NTRK3: variants seen among roughly 807,000 people sequenced by gnomAD.
NTRK3 encodes the protein NT-3 growth factor receptor.
In NTRK3, 24 loss-of-function variants were observed where a neutral mutation model predicts 91.7. The ratio of observed to expected loss-of-function variants is 0.26; its 90% CI spans 0.19 to 0.37. NTRK3 has a LOEUF of 0.37. NTRK3 is among the 10% of genes least tolerant of loss of function. The pLI is 1.00. For missense variants in NTRK3, 880 were observed against 1,068.9 expected, an observed-to-expected ratio of 0.82 and a Z score of 2.46; for synonymous variants, 483 against 404.0, an observed-to-expected ratio of 1.20 and a Z score of -2.34.
chr15:88,053,966 A>G (rs892866594), intron 13 of NTRK3, among the ~76,000 whole-genome samples: 1 of 152,220 alleles, frequency 6.6e-6, no homozygotes, highest in East Asian at 1.9e-4. Flanking sequence ...GCTGATAGAA[A>G]GGTTTGCTCT....
intron 14 of NTRK3, among the ~76,000 whole-genome samples, chr15:87,947,718 G>A (rs1182774363): frequency 6.6e-6 from 1 of 152,146 alleles, no homozygotes; most frequent in Non-Finnish European, 1.5e-5. Context: ...AACAGGGAGA[G>A]GAAGGGAGGA....
rs1598128338 is a variant in NTRK3 at position 88,240,122 on chromosome 15, C to T, written c.248+15784G>A. Among the ~76,000 whole-genome samples, 1 of 151,946 alleles carries T rather than the reference C, an allele frequency of 6.6e-6. No homozygotes were observed. Among genetic ancestry groups the T allele is most frequent in the African/African-American group, 2.4e-5 (1 of 41,428 alleles). Reference sequence around the variant, plus strand: ...GTGTGCAGGAGCACAGCCCCCCTCCCCTCCCCCACAGGATTGCCCCCAGAG... The same window carrying T: ...GTGTGCAGGAGCACAGCCCCCCTCCTCTCCCCCACAGGATTGCCCCCAGAG... On this transcript the variant is annotated intron_variant, in intron 3 of 18. Coordinates refer to ENST00000394480, the Ensembl canonical transcript of NTRK3. The surrounding 1 kb of genome is among the most constrained non-coding windows in gnomAD (Gnocchi z 4.9).
At chr15:87,874,389 C>T (rs2064897023) in exon 19 of NTRK3, 1 of 229,898 alleles carries the variant, frequency 4.3e-6, no homozygotes, top group Admixed American at 5.7e-5. Flanking sequence ...TGGCAGCAAT[C>T]TGACAACTGC....
At chr15:87,986,279 C>G (rs1050157537) in intron 14 of NTRK3, among the ~76,000 whole-genome samples, 1 of 152,166 alleles carries the variant, frequency 6.6e-6, no homozygotes, top group Non-Finnish European at 1.5e-5. Flanking sequence ...TTTGAAATAT[C>G]TAAAATATCA....
chr15:88,032,722 A>G (rs1027061438), intron 14 of NTRK3, 135 bp downstream of exon 14: 5 of 988,352 alleles, frequency 5.1e-6, no homozygotes, highest in South Asian at 1.4e-5. Context: ...TGAAACAAAC[A>G]GGGAGGGTCT....
intron 14 of NTRK3, among the ~76,000 whole-genome samples, chr15:88,024,664 T>G (rs1442936807): frequency 6.6e-6 from 1 of 152,128 alleles, no homozygotes; most frequent in Non-Finnish European, 1.5e-5. Flanking sequence ...GTTTAAAATC[T>G]AGAAACTCAT....
intron 14 of NTRK3, among the ~76,000 whole-genome samples, chr15:87,988,923 T>A (rs1030560010): frequency 2.0e-5 from 3 of 152,166 alleles, no homozygotes; most frequent in African/African-American, 7.2e-5. Context: ...CTTTTTTTTA[T>A]TTTTATTTTT....
At chr15:88,172,574 A>T (rs1280328542) in intron 5 of NTRK3, among the ~76,000 whole-genome samples, 2 of 152,256 alleles carry the variant, frequency 1.3e-5, no homozygotes, top group African/African-American at 4.8e-5. Flanking sequence ...CTTAAGGTTC[A>T]GTCCAGGGGA....
At chr15:88,024,839 G>A (rs2077891811) in intron 14 of NTRK3, among the ~76,000 whole-genome samples, 1 of 152,238 alleles carries the variant, frequency 6.6e-6, no homozygotes, top group South Asian at 2.1e-4. Flanking sequence ...CCTTTGAAAT[G>A]CTGTGAAGGC....
chr15:87,895,411 G>A (rs2066061934), intron 17 of NTRK3, among the ~76,000 whole-genome samples: 1 of 152,206 alleles, frequency 6.6e-6, no homozygotes, highest in African/African-American at 2.4e-5. Context: ...GGTCTGGGGA[G>A]TATGCCCTAG....
exon 18 of NTRK3, chr15:87,880,341 T>C (rs1254833073): frequency 6.2e-7 from 1 of 1,613,496 alleles, no homozygotes; most frequent in African/African-American, 1.3e-5. Flanking sequence ...ACCCCGAAGC[T>C]CCATACATCA....
intron 14 of NTRK3, among the ~76,000 whole-genome samples, chr15:87,976,374 A>T (rs955289171): frequency 6.6e-6 from 1 of 152,178 alleles, no homozygotes; most frequent in African/African-American, 2.4e-5. Flanking sequence ...ACCTAGCCTG[A>T]TCAACTTCCT....
intron 13 of NTRK3, among the ~76,000 whole-genome samples, chr15:88,038,595 G>A (rs537873545): frequency 2.6e-5 from 4 of 152,302 alleles, no homozygotes; most frequent in East Asian, 3.9e-4. Flanking sequence ...ACCACTCTGC[G>A]GAGGATGCTG....
chr15:88,002,343 T>C (rs2076171491), intron 14 of NTRK3, among the ~76,000 whole-genome samples: 1 of 152,058 alleles, frequency 6.6e-6, no homozygotes, highest in Non-Finnish European at 1.5e-5. Flanking sequence ...ATGGAAGGCC[T>C]TGTTCAAAAA....
chr15:88,239,839 A>G (rs528542569), intron 3 of NTRK3, among the ~76,000 whole-genome samples: 1 of 152,298 alleles, frequency 6.6e-6, no homozygotes, highest in Admixed American at 6.5e-5. Flanking sequence ...ACAGTGTGAA[A>G]GCCATCAATA....
intron 14 of NTRK3, among the ~76,000 whole-genome samples, chr15:87,952,899 T>C: frequency 6.6e-6 from 1 of 151,674 alleles, no homozygotes; most frequent in Non-Finnish European, 1.5e-5. Context: ...TCACCCTGTA[T>C]CTGATGGGGA....
intron 5 of NTRK3, among the ~76,000 whole-genome samples, chr15:88,160,863 C>T (rs953234139): frequency 2.0e-5 from 3 of 152,142 alleles, no homozygotes; most frequent in Non-Finnish European, 4.4e-5. Context: ...CAATGGTTTT[C>T]GAAGATGGGC....
At chr15:88,064,810 C>T (rs2046511349) in intron 13 of NTRK3, among the ~76,000 whole-genome samples, 1 of 152,176 alleles carries the variant, frequency 6.6e-6, no homozygotes, top group South Asian at 2.1e-4. Context: ...CTTTAGGGCT[C>T]CCTGCCTCCT....
exon 19 of NTRK3, chr15:87,862,800 G>C (rs908357208): frequency 8.7e-6 from 2 of 229,594 alleles, no homozygotes; most frequent in African/African-American, 4.4e-5. Context: ...CTGTTAAAGA[G>C]CACTCAGGGT....
Sources: gnomAD v4.1 joint callset for allele counts (sites outside exome capture counted in the v4.1 genomes callset) on GRCh38, gnomAD v4.1.1 for gene constraint, Gnocchi (gnomAD v3.1) non-coding constraint, MANE v1.5 for transcripts, NCBI Gene and HGNC (gene_info 2026-07-23, HGNC 2026-07-21) for gene names.